The following RTN1 variants were observed in gnomAD, a reference collection of about 807,000 sequenced individuals.
RTN1 encodes the protein reticulon-1.
In RTN1, 25 loss-of-function variants were observed where a neutral mutation model predicts 65.5. The ratio of observed to expected loss-of-function variants is 0.38; its 90% CI spans 0.28 to 0.53. The LOEUF (loss-of-function observed/expected upper bound fraction) is 0.53. RTN1 is among the 20% of genes least tolerant of loss of function. The probability of loss-of-function intolerance (pLI) is 0.79; values close to 1 mark genes in which losing one functional copy is unlikely to be tolerated. For synonymous variants in RTN1, 471 were observed against 447.6 expected (o/e 1.05, Z -0.66); for missense variants, 983 against 1,025.4 (o/e 0.96, Z 0.57).
intron 3 of RTN1, among the ~76,000 whole-genome samples, chr14:59,677,811 T>C (rs867078627): frequency 2.6e-5 from 4 of 152,216 alleles, no homozygotes; most frequent in Non-Finnish European, 1.5e-5. Context: ...ATGACCTCAT[T>C]TAAAATAAAG....
At position 59,727,672 on chromosome 14, in the gene RTN1, T is replaced by C. The variant is rs1482981059; in HGVS notation, c.1016-4A>G. On this transcript the variant is annotated splice_polypyrimidine_tract_variant and splice_region_variant and intron_variant, in intron 2 of 8. Coordinates refer to ENST00000267484, the MANE Select transcript of RTN1 (RefSeq NM_021136.3). The surrounding 1 kb of genome is among the most constrained non-coding windows in gnomAD (Gnocchi z 4.2). The stretch of plus-strand genomic sequence containing the variant: ...TGGGATTCTGCAGCAGATGGTTCTG[T>C]CGTCCCACAGAGCGAAGGAGAGCCA... 1 of 1,593,312 alleles carries C rather than the reference T, an allele frequency of 6.3e-7. No homozygotes were observed. Among genetic ancestry groups the C allele is most frequent in the Admixed American group, 1.7e-5 (1 of 58,090 alleles).
chr14:59,644,299 T>G (rs1030310291), intron 3 of RTN1, among the ~76,000 whole-genome samples: 1 of 152,166 alleles, frequency 6.6e-6, no homozygotes, highest in East Asian at 1.9e-4. Flanking sequence ...GATGATCACT[T>G]ACCCAGGAGC....
At chr14:59,670,888 T>G (rs1883487831) in intron 3 of RTN1, among the ~76,000 whole-genome samples, 1 of 152,104 alleles carries the variant, frequency 6.6e-6, no homozygotes, top group Admixed American at 6.6e-5. Context: ...TTAACACATC[T>G]TTGAAAGCAA....
chr14:59,755,802 T>A (rs904091084), intron 1 of RTN1, among the ~76,000 whole-genome samples: 1 of 152,170 alleles, frequency 6.6e-6, no homozygotes, highest in African/African-American at 2.4e-5. Context: ...GTATGGTTAG[T>A]TAAGAGAGTT....
chr14:59,729,387 C>G (rs79111224), intron 2 of RTN1, among the ~76,000 whole-genome samples: 2 of 140,246 alleles, frequency 1.4e-5, no homozygotes, highest in Non-Finnish European at 3.1e-5. Context: ...GGTTCCCCCC[C>G]TTTTTTAGTA....
intron 3 of RTN1, among the ~76,000 whole-genome samples, chr14:59,623,791 G>A (rs888530706): frequency 6.6e-6 from 1 of 152,108 alleles, no homozygotes; most frequent in Non-Finnish European, 1.5e-5. Context: ...TTTAAAATTT[G>A]GGCCAAGATG....
At chr14:59,792,457 T>C (rs1886366265) in intron 1 of RTN1, among the ~76,000 whole-genome samples, 1 of 151,442 alleles carries the variant, frequency 6.6e-6, no homozygotes, top group South Asian at 2.1e-4. Flanking sequence ...CATAAGTAAA[T>C]GGGAAAGCCA....
intron 1 of RTN1, among the ~76,000 whole-genome samples, chr14:59,807,929 T>G (rs1886665512): frequency 6.6e-6 from 1 of 152,174 alleles, no homozygotes; most frequent in African/African-American, 2.4e-5. Flanking sequence ...AAGTACAAAA[T>G]ATACATAAAG....
intron 3 of RTN1, among the ~76,000 whole-genome samples, chr14:59,693,898 T>C (rs560399153): frequency 3.3e-5 from 5 of 152,282 alleles, no homozygotes; most frequent in East Asian, 3.9e-4. Context: ...AATGGATGAA[T>C]GTGTTTAGCT....
At chr14:59,819,406 CCACCACCACCCCCCCCCCACCCCCCA>C (rs1566737394) in intron 1 of RTN1, among the ~76,000 whole-genome samples, 2 of 17,622 alleles carry the variant, frequency 1.1e-4, no homozygotes, top group African/African-American at 9.8e-4. Flanking sequence ...TGCATCCACA[CCACCACCACCCCCCCCCCACCCCCCA>C]CCCCCCCCCC....
chr14:59,857,058 C>T (rs1195330983), intron 1 of RTN1, among the ~76,000 whole-genome samples: 3 of 152,086 alleles, frequency 2.0e-5, no homozygotes, highest in African/African-American at 2.4e-5. Context: ...CATTCTGTAC[C>T]ACGTCATCTT....
At chr14:59,605,628 T>TG in intron 4 of RTN1, 122 bp from the exon 5 acceptor site, 1 of 1,000,748 alleles carries the variant, frequency 1.0e-6, no homozygotes, top group African/African-American at 1.6e-5. Context: ...GAGTCATCTC[T>TG]GGGGGGTTAT....
At chr14:59,817,323 C>T (rs1374232360) in intron 1 of RTN1, among the ~76,000 whole-genome samples, 6 of 152,124 alleles carry the variant, frequency 3.9e-5, no homozygotes, top group African/African-American at 9.7e-5. Context: ...CTGACCAAGA[C>T]GATGCTTGAT....
intron 3 of RTN1, among the ~76,000 whole-genome samples, chr14:59,708,880 T>A (rs1236596790): frequency 6.6e-6 from 1 of 152,146 alleles, no homozygotes; most frequent in African/African-American, 2.4e-5. Flanking sequence ...AAAAAGAAAA[T>A]CCATCTGATC....
chr14:59,643,749 A>C (rs1357633197), intron 3 of RTN1, among the ~76,000 whole-genome samples: 2 of 152,218 alleles, frequency 1.3e-5, no homozygotes, highest in Admixed American at 1.3e-4. Flanking sequence ...AAGTTACTAA[A>C]AACAAACAAA....
At chr14:59,659,231 G>A (rs1203329064) in intron 3 of RTN1, among the ~76,000 whole-genome samples, 3 of 152,010 alleles carry the variant, frequency 2.0e-5, no homozygotes, top group African/African-American at 4.8e-5. Flanking sequence ...TAAGAAATAT[G>A]GGACTATGTG....
intron 3 of RTN1, among the ~76,000 whole-genome samples, chr14:59,663,702 T>C (rs1883301860): frequency 6.6e-6 from 1 of 151,894 alleles, no homozygotes; most frequent in African/African-American, 2.4e-5. Context: ...AAGACATTTA[T>C]GCAGCCAACA....
At chr14:59,850,677 T>C (rs751673579) in intron 1 of RTN1, among the ~76,000 whole-genome samples, 2 of 152,190 alleles carry the variant, frequency 1.3e-5, no homozygotes, top group Non-Finnish European at 2.9e-5. Flanking sequence ...CCATCCATTC[T>C]AAACCACTTG....
chr14:59,810,755 C>A (rs1198961086), intron 1 of RTN1, among the ~76,000 whole-genome samples: 2 of 152,010 alleles, frequency 1.3e-5, no homozygotes, highest in East Asian at 1.9e-4. Flanking sequence ...TAGGAGTCAG[C>A]GAGGTGAAGA....
Sources: gnomAD v4.1 joint callset for allele counts (sites outside exome capture counted in the v4.1 genomes callset) on GRCh38, gnomAD v4.1.1 for gene constraint, Gnocchi (gnomAD v3.1) non-coding constraint, MANE v1.5 for transcripts, NCBI Gene and HGNC (gene_info 2026-07-23, HGNC 2026-07-21) for gene names.